The following TTN variants were observed in gnomAD, a reference collection of about 807,000 sequenced individuals.
TTN encodes the protein connectin.
Under a neutral mutation model 3,223.0 loss-of-function variants are expected in TTN, and 1,525 were observed. The ratio of observed to expected loss-of-function variants is 0.47; its 90% confidence interval spans 0.45 to 0.49. TTN has a LOEUF of 0.49. Among genes scored for constraint, TTN ranks in the 20% least tolerant of loss-of-function variants. TTN has a pLI of 0.00. For missense variants in TTN, 40,786 were observed against 43,424.0 expected (o/e 0.94, Z 5.40); for synonymous variants, 14,094 against 15,161.0 (o/e 0.93, Z 5.17).
intron 9 of TTN, 125 bp downstream of exon 9, chr2:178,793,278 AG>A (rs1362409344): frequency 4.2e-5 from 58 of 1,393,626 alleles, no homozygotes; most frequent in Non-Finnish European, 5.6e-5. Context: ...ACATACAACA[AG>A]GGGATCTTAT....
intron 17 of TTN, among the ~76,000 whole-genome samples, chr2:178,783,308 A>T (rs1036300307): frequency 3.9e-5 from 6 of 152,200 alleles, no homozygotes; most frequent in African/African-American, 1.4e-4. Flanking sequence ...TGGTATCACC[A>T]ACTGGAATGA....
intron 47 of TTN, chr2:178,746,321 T>C (rs1214089959): frequency 9.3e-6 from 15 of 1,612,578 alleles, no homozygotes; most frequent in Non-Finnish European, 1.3e-5. Context: ...CTCCCTTGAA[T>C]CCATATTTGG....
chr2:178,602,617 T>G (rs1368085733), intron 282 of TTN, 27 bp from the exon 283 acceptor site: 1 of 1,457,162 alleles, frequency 6.9e-7, no homozygotes, highest in Admixed American at 2.9e-5. Flanking sequence ...AAAAAAAGCT[T>G]CATCAGATTT....
Position 178,732,641 on chromosome 2 carries a change from G to A in TTN, c.16420C>T (p.Gln5474Ter). Residue 5474 changes from glutamine to a stop codon, truncating the protein, a stop_gained, in exon 56 of 363, where the codon CAA becomes TAA. Transcript: ENST00000589042. LOFTEE classifies it high-confidence loss of function. ...GSAVCLKSTF[Q>*]GSTPLTIRWF... ...CTGATTGTGAGAGGAGTAGATCCTT[G>A]GAAAGTGCTCTTCAGGCAGACTGCT... 5.6e-6 allele frequency: 9 copies of A among 1,612,878 alleles called. No homozygotes were observed. Among genetic ancestry groups the A allele is most frequent in the Non-Finnish European group, 5.9e-6 (7 of 1,179,444 alleles).
intron 344 of TTN, among the ~76,000 whole-genome samples, chr2:178,545,154 T>A (rs1696472369): frequency 6.6e-6 from 1 of 152,210 alleles, no homozygotes; most frequent in Admixed American, 6.5e-5. Context: ...GATAGAATAT[T>A]TTTTCATTAA....
At position 178,673,711 on chromosome 2, in the gene TTN, C is replaced by T. The variant is rs727503634; in HGVS notation, c.34709-1G>A. The T allele has an allele frequency of 1.9e-6, 3 of 1,585,098 alleles. No individual in the cohort carries two copies. The highest frequency in any genetic ancestry group is 2.7e-5 in the African/African-American group (2 of 73,008). ...ACTGCTTTCTTAATCACTTCAGGCA[C>T]TTAAAAGAAATTTTATGAACATTTT... On this transcript the variant is annotated splice_acceptor_variant, in intron 151 of 362. Transcript: ENST00000589042. LOFTEE classifies it high-confidence loss of function.
Position 178,696,234 on chromosome 2 carries a change from C to T in TTN, c.30838G>A (p.Glu10280Lys). The T allele has an allele frequency of 5.1e-6, 8 of 1,561,554 alleles. No individual in the cohort carries two copies. Among genetic ancestry groups the T allele is most frequent in the Non-Finnish European group, 6.9e-6 (8 of 1,153,514 alleles). The change falls in exon 114 of 363, where the codon GAA (glutamate) becomes AAA (lysine). Residue 10280 changes from glutamate to lysine, a missense_variant. Transcript: ENST00000589042. ...EIIDVSSKAE[E>K]VKIMTITRKK... Reference sequence around the variant, plus strand: ...CTGGTTATAGTCATTATTTTTACTTCTTCAGCTTTAGAGGATACATCAATG... The same window carrying T: ...CTGGTTATAGTCATTATTTTTACTTTTTCAGCTTTAGAGGATACATCAATG...
chr2:178,667,621 T>A lies in TTN; in HGVS notation c.35629+17A>T. 3.1e-6 allele frequency: 5 copies of A among 1,587,778 alleles called. No individual in the cohort carries two copies. The highest frequency in any genetic ancestry group is 1.7e-5 in the Admixed American group (1 of 58,406). ...AAAAATAATTTTTCTTCAGAGTGGA[T>A]CATTGGTGTTATATACCTTTTGCTA... On this transcript the variant is annotated intron_variant, in intron 160 of 362. Transcript: ENST00000589042.
chr2:178,733,704 C>G lies in TTN; in HGVS notation c.15685G>C (p.Asp5229His). The G allele has an allele frequency of 6.2e-7, 1 of 1,613,886 alleles. No homozygotes were observed. The highest frequency in any genetic ancestry group is 8.5e-7 in the Non-Finnish European group (1 of 1,179,804). Reference protein sequence around the residue: ...SNGVAVLIIPDVQISFGGKYT... With the variant: ...SNGVAVLIIPHVQISFGGKYT... ...TTGCCTCCAAAACTAATCTGAACAT[C>G]AGGGATTATCAAGACTGCAACACCA... The change falls in exon 53 of 363, where the codon GAT becomes CAT. Residue 5229 changes from aspartate (D) to histidine (H), a missense_variant. Coordinates refer to ENST00000589042, the MANE Select transcript of TTN (RefSeq NM_001267550.2).
rs62618736 is a variant in TTN, at chr2:178,583,060, G to T, written c.65743C>A (p.Gln21915Lys). 4,353 of 1,611,184 alleles carry T rather than the reference G, an allele frequency of 2.7e-3. 106 individuals carry two copies. In the African/African-American group the frequency reaches 0.051, roughly 19 times the overall value. Residue 21915 changes from glutamine (Q) to lysine (K), a missense_variant, in exon 313 of 363, where the codon CAG becomes AAG. Physicochemically the swap from Gln to Lys is moderately conservative, Grantham distance 53 (BLOSUM62 1). Transcript: ENST00000589042. ...AGCTCCAAGGTGCACAGATTCCGCT[G>T]CATGGCCATCTTTATGCCTTCTGCT... ...KPAEGIKMAMQRNLCTLELFS... is the reference protein window; with the variant it reads ...KPAEGIKMAMKRNLCTLELFS...
chr2:178,725,556 A>C lies in TTN; in HGVS notation c.20648T>G (p.Ile6883Ser), dbSNP rs1392708886. ...CTTCTCTTTAAGCCACTGGACAAAA[A>C]TAGGCTGGGCGCCTTCTATGGATGC... ...LQASIEGAQPIFVQWLKEKEE... is the reference protein window; with the variant it reads ...LQASIEGAQPSFVQWLKEKEE... The change falls in exon 71 of 363, where the codon ATT (isoleucine) becomes AGT (serine). Residue 6883 changes from isoleucine (I) to serine (S), a missense_variant. Ile to Ser is a moderately radical substitution (Grantham distance 142). Coordinates refer to ENST00000589042, the MANE Select transcript of TTN (RefSeq NM_001267550.2). 2 of 1,613,264 alleles carry C rather than the reference A, an allele frequency of 1.2e-6. No individual in the cohort carries two copies. The highest frequency in any genetic ancestry group is 1.7e-6 in the Non-Finnish European group (2 of 1,179,490).
At chr2:178,688,461 C>T (rs901054647) in intron 126 of TTN, among the ~76,000 whole-genome samples, 2 of 152,162 alleles carry the variant, frequency 1.3e-5, no homozygotes, top group African/African-American at 2.4e-5. Context: ...ATAACATTTT[C>T]GGGACTCATC....
In TTN at chr2:178,570,040, C is replaced by G; in HGVS notation, c.76092G>C (p.Leu25364=). The G allele has an allele frequency of 6.2e-7, 1 of 1,613,348 alleles. No homozygotes were observed. The highest frequency in any genetic ancestry group is 8.5e-7 in the Non-Finnish European group (1 of 1,179,576). The part of the protein sequence containing the change: ...CHKRLIGELR[L]RVTGLIENHD... Reference sequence around the variant, plus strand: ...GATTTTCTATGAGTCCAGTTACTCTCAGGCGCAACTCTCCAATCAGACGCT... The same window carrying G: ...GATTTTCTATGAGTCCAGTTACTCTGAGGCGCAACTCTCCAATCAGACGCT... Residue 25364 remains leucine, a synonymous_variant, in exon 326 of 363, where the codon CTG becomes CTC. Coordinates refer to ENST00000589042, the MANE Select transcript of TTN (RefSeq NM_001267550.2).
chr2:178,689,085 A>G lies in TTN; in HGVS notation c.32063T>C (p.Val10688Ala), dbSNP rs2071660490. Residue 10688 changes from valine to alanine, a missense_variant, in exon 125 of 363, where the codon GTT becomes GCT. Coordinates refer to ENST00000589042, the MANE Select transcript of TTN (RefSeq NM_001267550.2). Reference protein sequence around the residue: ...PVPEEKVAVPVPVAKKAPPPR... With the variant: ...PVPEEKVAVPAPVAKKAPPPR... ...AGGAGGAGCTTTCTTAGCGACAGGA[A>G]CTGGCACTGCAACTTTCTCCTCTGG... The G allele has an allele frequency of 6.2e-7, 1 of 1,610,764 alleles. No homozygotes were observed. Among genetic ancestry groups the G allele is most frequent in the Admixed American group, 1.7e-5 (1 of 59,450 alleles).
At chr2:178,665,867 G>T in intron 163 of TTN, 76 bp from the exon 164 acceptor site, 2 of 666,760 alleles carry the variant, frequency 3.0e-6, no homozygotes, top group Non-Finnish European at 4.2e-6. Context: ...TGCACATACA[G>T]AACATTCCAG....
intron 99 of TTN, 97 bp from the exon 100 acceptor site, chr2:178,707,910 G>C (rs1412738087): frequency 3.1e-6 from 4 of 1,282,504 alleles, no homozygotes; most frequent in Non-Finnish European, 3.2e-6. Flanking sequence ...GCCTCTAACA[G>C]GTAACACTGT....
At chr2:178,797,368 C>T (rs1483365527) in intron 6 of TTN, among the ~76,000 whole-genome samples, 1 of 144,828 alleles carries the variant, frequency 6.9e-6, no homozygotes, top group Non-Finnish European at 1.6e-5. Context: ...AAACATCTAG[C>T]ATTTTTTTTC....
chr2:178,692,148 C>G lies in TTN; in HGVS notation c.31679-49G>C, dbSNP rs1370408563. 4.6e-6 allele frequency: 7 copies of G among 1,510,796 alleles called. No homozygotes were observed. In the East Asian group the frequency reaches 1.6e-4, roughly 34 times the overall value. The allele number at this position is 1,510,796 out of a possible 1,614,324, so 93.6% of individuals were successfully genotyped here. Reference sequence around the variant, plus strand: ...TAATGTGGAATATTCTAGTCACCTTCTGAGACATCTAAGATTACATTAAAG... The same window carrying G: ...TAATGTGGAATATTCTAGTCACCTTGTGAGACATCTAAGATTACATTAAAG... On this transcript the variant is annotated intron_variant, in intron 120 of 362. Transcript: ENST00000589042.
At position 178,551,132 on chromosome 2, in the gene TTN, G is replaced by T; in HGVS notation, c.91399C>A (p.Arg30467Ser). The T allele has an allele frequency of 6.2e-7, 1 of 1,613,372 alleles. No individual in the cohort carries two copies. The highest frequency in any genetic ancestry group is 8.5e-7 in the Non-Finnish European group (1 of 1,179,642). ...TCAGTAAAGTTGCATCTCACCCAGC[G>T]TTCATTTCCTTGCCGTTTCTCAATG... is the stretch of plus-strand genomic sequence containing the variant. ...YSIEKRQGNE[R>S]WVRCNFTDVS... Residue 30467 changes from arginine to serine, a missense_variant, in exon 336 of 363, where the codon CGC (arginine) becomes AGC (serine). By Grantham distance (110) the Arg-to-Ser change is moderately radical. Coordinates refer to ENST00000589042, the MANE Select transcript of TTN (RefSeq NM_001267550.2).
Sources: gnomAD v4.1 joint callset for allele counts (sites outside exome capture counted in the v4.1 genomes callset) on GRCh38, gnomAD v4.1.1 for gene constraint, MANE v1.5 for transcripts, NCBI Gene and HGNC (gene_info 2026-07-23, HGNC 2026-07-21) for gene names.